Variants in HDHD5 observed in about 807,000 individuals in gnomAD.
HDHD5 encodes the protein haloacid dehalogenase-like hydrolase domain-containing 5.
HDHD5 carries 34 observed loss-of-function variants against 35.5 expected under a neutral mutation model. The ratio of observed to expected loss-of-function variants is 0.96; its 90% CI spans 0.73 to 1.28. HDHD5 has a LOEUF of 1.28. HDHD5 is among the 50% of genes most tolerant of loss of function. HDHD5 has a pLI of 0.00. For missense variants in HDHD5, 589 were observed against 560.2 expected, an observed-to-expected ratio of 1.05 and a Z score of -0.52; for synonymous variants, 248 against 240.6, an observed-to-expected ratio of 1.03 and a Z score of -0.29.
chr22:17,157,076 T>TCTCACACACA (rs1555881505), intron 1 of HDHD5, among the ~76,000 whole-genome samples: 122 of 56,162 alleles, frequency 2.2e-3, no homozygotes, highest in African/African-American at 8.7e-3. Flanking sequence ...AGACACCGTC[T>TCTCACACACA]CACACACATA....
intron 1 of HDHD5, chr22:17,158,547 G>A (rs2061827486): frequency 6.6e-6 from 1 of 152,268 alleles, no homozygotes; most frequent in Non-Finnish European, 1.5e-5. Flanking sequence ...GACCACACAA[G>A]GTCACACCTT....
At chr22:17,160,313 G>A (rs1182411645), upstream of HDHD5, among the ~76,000 whole-genome samples, 1 of 151,578 alleles carries the variant, frequency 6.6e-6, no homozygotes, top group Non-Finnish European at 1.5e-5. Context: ...AGGAGTTCCA[G>A]ACCAGCCTGG....
intron 1 of HDHD5, among the ~76,000 whole-genome samples, chr22:17,154,680 T>C (rs2061765687): frequency 1.3e-5 from 2 of 150,486 alleles, no homozygotes; most frequent in Admixed American, 6.7e-5. Flanking sequence ...CTGGGTGCAC[T>C]AGTGTCATCT....
chr22:17,147,503 G>A (rs868483928), intron 3 of HDHD5, among the ~76,000 whole-genome samples: 7 of 113,364 alleles, frequency 6.2e-5, no homozygotes, highest in Non-Finnish European at 8.7e-5. Flanking sequence ...ACCGGCCTTC[G>A]ATCACACGCC....
intron 1 of HDHD5, among the ~76,000 whole-genome samples, chr22:17,150,093 G>C (rs901145083): frequency 6.6e-6 from 1 of 151,976 alleles, no homozygotes; most frequent in African/African-American, 2.4e-5. Context: ...GGATTATTAG[G>C]CGTGAGCCAC....
chr22:17,149,588 A>T lies in HDHD5; in HGVS notation c.284T>A (p.Leu95Ter), dbSNP rs1179538839. The change falls in exon 2 of 8, where the codon TTA becomes TAA. Residue 95 changes from leucine to a stop codon, truncating the protein, a stop_gained. Coordinates refer to ENST00000336737, the MANE Select transcript of HDHD5 (RefSeq NM_033070.3). LOFTEE classifies it high-confidence loss of function. Reference sequence around the variant, plus strand: ...CAGCTCCTGGGCTTTGCTGTGTTGTAAGATGTTCCCAGCATTTGTAACAAA... The same window carrying T: ...CAGCTCCTGGGCTTTGCTGTGTTGTTAGATGTTCCCAGCATTTGTAACAAA... ...VVFVTNAGNI[L>*]QHSKAQELSA... 2 of 1,612,906 alleles carry T rather than the reference A, an allele frequency of 1.2e-6. No individual in the cohort carries two copies. The highest frequency in any genetic ancestry group is 1.7e-6 in the Non-Finnish European group (2 of 1,180,004).
At position 17,159,160 on chromosome 22, in the gene HDHD5, G is replaced by C; in HGVS notation, c.92C>G (p.Pro31Arg). The change falls in exon 1 of 8, where the codon CCC (proline) becomes CGC (arginine). Residue 31 changes from proline to arginine, a missense_variant. Pro to Arg is a moderately radical substitution (Grantham distance 103). Transcript: ENST00000336737. ...ARAAAGLQGR[P>R]ARRCYAVGPA... ...GCCCACAGCATAGCACCTGCGGGCGGGGCGGCCCTGGAGCCCCGCAGCCGC... is the reference window on the plus strand; with the variant it reads ...GCCCACAGCATAGCACCTGCGGGCGCGGCGGCCCTGGAGCCCCGCAGCCGC... 1 of 1,221,466 alleles carries C rather than the reference G, an allele frequency of 8.2e-7. No homozygotes were observed. Among genetic ancestry groups the C allele is most frequent in the Non-Finnish European group, 1.0e-6 (1 of 980,298 alleles). 75.7% of individuals were successfully genotyped at this position (1,221,466 alleles called of 1,614,324 possible).
intron 5 of HDHD5, 170 bp from the exon 6 acceptor site, chr22:17,141,403 T>C (rs2061600278): frequency 1.5e-6 from 2 of 1,373,840 alleles, no homozygotes; most frequent in Admixed American, 8.0e-5. Flanking sequence ...CCATCCACCC[T>C]GGGTGCACAA....
chr22:17,145,534 C>G (rs1462284825), intron 3 of HDHD5, among the ~76,000 whole-genome samples: 1 of 152,122 alleles, frequency 6.6e-6, no homozygotes, highest in Non-Finnish European at 1.5e-5. Flanking sequence ...GAGACCTTGT[C>G]TCTACAAATA....
At chr22:17,151,567 T>C (rs2061725047) in intron 1 of HDHD5, among the ~76,000 whole-genome samples, 1 of 151,730 alleles carries the variant, frequency 6.6e-6, no homozygotes, top group Non-Finnish European at 1.5e-5. Context: ...TCGCCTCTAC[T>C]AAAAATACAA....
chr22:17,156,492 A>AT (rs1601402505), intron 1 of HDHD5, among the ~76,000 whole-genome samples: 2 of 151,218 alleles, frequency 1.3e-5, no homozygotes, highest in Admixed American at 6.6e-5. Flanking sequence ...CACACCTGTA[A>AT]TTTTTTTTAA....
At chr22:17,156,886 T>C (rs1206017893) in intron 1 of HDHD5, among the ~76,000 whole-genome samples, 1 of 151,396 alleles carries the variant, frequency 6.6e-6, no homozygotes, top group Non-Finnish European at 1.5e-5. Context: ...GAGACCAGCC[T>C]GGCCAACACA....
intron 5 of HDHD5, chr22:17,142,198 A>G (rs2061607745): frequency 6.6e-6 from 1 of 152,276 alleles, no homozygotes; most frequent in Non-Finnish European, 1.5e-5. Flanking sequence ...CAACATAGTG[A>G]GAGCCCGTCT....
In HDHD5 at chr22:17,164,969, G is replaced by C. The variant is rs117128039; in HGVS notation, c.36+240C>G. Among the ~76,000 whole-genome samples, 143 of 152,272 alleles carry C rather than the reference G, an allele frequency of 9.4e-4. 1 individual carries two copies. The East Asian group carries it at 0.025, about 27-fold the overall frequency. The stretch of plus-strand genomic sequence containing the variant: ...GAGATGGGCAGGTCCCCCTGGCTGG[G>C]GTCAGGAAGGGCTTGCAGGAGGGTT... On this transcript the variant is annotated intron_variant, in intron 1 of 7. Coordinates refer to the HDHD5 transcript ENST00000155674.
chr22:17,159,285 G>A (rs1419897173), upstream of HDHD5: 22 of 1,146,896 alleles, frequency 1.9e-5, no homozygotes, highest in Admixed American at 1.2e-3. Flanking sequence ...CACGGCGTGC[G>A]GCCCCCCCCC....
chr22:17,156,262 G>A (rs1160126551), intron 1 of HDHD5, among the ~76,000 whole-genome samples: 3 of 152,116 alleles, frequency 2.0e-5, no homozygotes, highest in Non-Finnish European at 4.4e-5. Flanking sequence ...CCGACCTTAT[G>A]TAGGCCTGGG....
At chr22:17,141,578 G>C (rs940087743) in intron 5 of HDHD5, 14 of 1,102,362 alleles carry the variant, frequency 1.3e-5, no homozygotes, top group Non-Finnish European at 1.5e-5. Flanking sequence ...CTTAGCAAGG[G>C]CTCCTGTTCC....
rs1258035787 is a variant in HDHD5 at position 17,138,545 on chromosome 22, C to A, written c.935+5G>T. On this transcript the variant is annotated splice_donor_5th_base_variant and intron_variant, in intron 7 of 7. Transcript: ENST00000336737. Reference sequence around the variant, plus strand: ...AAGGGACAAAGGAGGGAGAGCAGAGCCTACCCCACAGCATAGAGCTTCCGG... The same window carrying A: ...AAGGGACAAAGGAGGGAGAGCAGAGACTACCCCACAGCATAGAGCTTCCGG... 6.2e-7 allele frequency: 1 copy of A among 1,613,292 alleles called. No individual in the cohort carries two copies. Among genetic ancestry groups the A allele is most frequent in the East Asian group, 2.2e-5 (1 of 44,864 alleles).
At position 17,159,207 on chromosome 22, in the gene HDHD5, C is replaced by G. The variant is rs541771167; in HGVS notation, c.45G>C (p.Gly15=). The change falls in exon 1 of 8, where the codon GGG becomes GGC. Residue 15 remains glycine, a synonymous_variant. Coordinates refer to ENST00000336737, the MANE Select transcript of HDHD5 (RefSeq NM_033070.3). Reference sequence around the variant, plus strand: ...CCGCGCGCGCCGCCCGCCAGCAAAGCCCACGCGCCGCGCCGAGCGCAGCCA... The same window carrying G: ...CCGCGCGCGCCGCCCGCCAGCAAAGGCCACGCGCCGCGCCGAGCGCAGCCA... ...GCVAALGAAR[G]LCWRAARAAA... is the part of the protein sequence containing the mutation. 7.3e-5 allele frequency: 89 copies of G among 1,213,882 alleles called. 1 individual carries two copies. The African/African-American group carries it at 1.3e-3, about 17-fold the overall frequency. 75.2% of individuals were successfully genotyped at this position (1,213,882 alleles called of 1,614,324 possible). A position where few individuals can be genotyped will look rare whatever the true frequency, so the allele number is the denominator to read the frequency against.
Sources: allele counts gnomAD v4.1 joint callset (sites outside exome capture counted in the v4.1 genomes callset), GRCh38; gene constraint gnomAD v4.1.1; transcripts MANE v1.5; gene names NCBI Gene and HGNC (gene_info 2026-07-23, HGNC 2026-07-21).